DLGAP2: variants seen among roughly 807,000 people sequenced by gnomAD.
DLGAP2 encodes the protein disks large-associated protein 2.
In DLGAP2, 26 loss-of-function variants were observed where a neutral mutation model predicts 100.3. The observed-to-expected ratio is 0.26, with a 90% CI of 0.19 to 0.36. The LOEUF (loss-of-function observed/expected upper bound fraction) is 0.36. Among genes scored for constraint, DLGAP2 ranks in the 10% least tolerant of loss-of-function variants. The pLI is 1.00. For synonymous variants in DLGAP2, 886 were observed against 630.1 expected, an observed-to-expected ratio of 1.41 and a Z score of -6.08; for missense variants, 1,858 against 1,453.2, an observed-to-expected ratio of 1.28 and a Z score of -4.53.
chr8:1,124,755 C>G (rs1167800081), intron 2 of DLGAP2, among the ~76,000 whole-genome samples: 1 of 152,176 alleles, frequency 6.6e-6, no homozygotes, highest in African/African-American at 2.4e-5. Flanking sequence ...ATCTGAAATG[C>G]CACACACAGC....
intron 3 of DLGAP2, among the ~76,000 whole-genome samples, chr8:1,320,060 G>C (rs1800859921): frequency 6.6e-6 from 1 of 152,118 alleles, no homozygotes; most frequent in South Asian, 2.1e-4. Context: ...AGGGAGTTGA[G>C]GAACTCGGGA....
intron 2 of DLGAP2, among the ~76,000 whole-genome samples, chr8:912,750 C>T (rs948277951): frequency 6.6e-6 from 1 of 150,866 alleles, no homozygotes; most frequent in African/African-American, 2.4e-5. Context: ...GCCCACGTTC[C>T]TCTCTGTGGA....
chr8:948,768 G>T (rs1799398170), intron 2 of DLGAP2, among the ~76,000 whole-genome samples: 1 of 152,264 alleles, frequency 6.6e-6, no homozygotes, highest in South Asian at 2.1e-4. Context: ...TCAGGCCGTG[G>T]GGAGCCAGCC....
intron 3 of DLGAP2, among the ~76,000 whole-genome samples, chr8:1,265,516 G>T (rs911736954): frequency 6.6e-6 from 1 of 152,156 alleles, no homozygotes; most frequent in Admixed American, 6.5e-5. Context: ...AAAAAAGAAT[G>T]GGGAGAAAGG....
intron 1 of DLGAP2, among the ~76,000 whole-genome samples, chr8:898,237 C>A (rs1330037534): frequency 6.6e-6 from 1 of 152,082 alleles, no homozygotes; most frequent in Non-Finnish European, 1.5e-5. Context: ...AAATGTTTAT[C>A]CCATGACTTA....
intron 2 of DLGAP2, among the ~76,000 whole-genome samples, chr8:997,231 A>G (rs914818288): frequency 6.6e-6 from 1 of 152,350 alleles, no homozygotes; most frequent in East Asian, 1.9e-4. Context: ...TCAGACTGAA[A>G]TATTAACCCC....
chr8:1,418,529 A>T (rs1344174672), intron 3 of DLGAP2, among the ~76,000 whole-genome samples: 2 of 152,186 alleles, frequency 1.3e-5, no homozygotes, highest in African/African-American at 2.4e-5. Context: ...TTCACAGTCA[A>T]AATGGAAGCT....
chr8:1,326,474 C>T lies in DLGAP2; in HGVS notation c.106+67591C>T, dbSNP rs115104344. Among the ~76,000 whole-genome samples, 820 of 152,178 alleles carry T rather than the reference C, an allele frequency of 5.4e-3. 10 individuals carry two copies. Among genetic ancestry groups the T allele is most frequent in the African/African-American group, 0.019 (781 of 41,532 alleles). On this transcript the variant is annotated intron_variant, in intron 3 of 14. Coordinates refer to ENST00000637795, the MANE Select transcript of DLGAP2 (RefSeq NM_001346810.2). Reference sequence around the variant, plus strand: ...GCCCTGTCTTTCAGGACATGGCACGCGCTCGGTCTCGGTCCGGGCCTGTCA... The same window carrying T: ...GCCCTGTCTTTCAGGACATGGCACGTGCTCGGTCTCGGTCCGGGCCTGTCA...
intron 2 of DLGAP2, among the ~76,000 whole-genome samples, chr8:1,194,191 G>A (rs947778240): frequency 2.6e-5 from 4 of 152,106 alleles, no homozygotes; most frequent in Non-Finnish European, 5.9e-5. Flanking sequence ...ACTGCCGCCT[G>A]TGGGAGGCCA....
intron 8 of DLGAP2, among the ~76,000 whole-genome samples, chr8:1,666,593 T>G (rs1798549355): frequency 6.6e-6 from 1 of 151,292 alleles, no homozygotes; most frequent in African/African-American, 2.4e-5. Context: ...GGCAGGAGAA[T>G]CGCTTGAACA....
chr8:1,641,686 C>T (rs928583966), intron 8 of DLGAP2, among the ~76,000 whole-genome samples: 3 of 152,056 alleles, frequency 2.0e-5, no homozygotes, highest in Non-Finnish European at 4.4e-5. Flanking sequence ...ACATTGTTGT[C>T]CTAAGAGTAA....
chr8:1,206,548 C>T (rs13253531), intron 2 of DLGAP2, among the ~76,000 whole-genome samples: 744 of 37,762 alleles, frequency 0.02, 18 homozygotes, highest in African/African-American at 0.12. Flanking sequence ...AGACTGTGAG[C>T]GGTTAATCTC....
intron 3 of DLGAP2, among the ~76,000 whole-genome samples, chr8:1,420,026 G>A (rs1052232460): frequency 1.3e-5 from 2 of 152,202 alleles, no homozygotes; most frequent in African/African-American, 2.4e-5. Context: ...GGTTTTTTAT[G>A]TAGACTTTGT....
At chr8:1,221,938 A>G (rs1323180497) in intron 2 of DLGAP2, among the ~76,000 whole-genome samples, 1 of 152,068 alleles carries the variant, frequency 6.6e-6, no homozygotes, top group Non-Finnish European at 1.5e-5. Flanking sequence ...TGAATTTTTT[A>G]TTTCCAGTTC....
At chr8:1,333,985 G>A (rs924467478) in intron 3 of DLGAP2, among the ~76,000 whole-genome samples, 5 of 152,244 alleles carry the variant, frequency 3.3e-5, no homozygotes, top group South Asian at 2.1e-4. Flanking sequence ...CACGTGCTCC[G>A]CAACTGAGGG....
intron 4 of DLGAP2, among the ~76,000 whole-genome samples, chr8:1,509,276 A>C (rs1329516748): frequency 6.6e-6 from 1 of 150,382 alleles, no homozygotes; most frequent in African/African-American, 2.5e-5. Flanking sequence ...GATTGCAGTG[A>C]GCTGATATTA....
At chr8:1,392,845 T>G (rs1204229336) in intron 3 of DLGAP2, among the ~76,000 whole-genome samples, 12 of 150,466 alleles carry the variant, frequency 8.0e-5, no homozygotes, top group African/African-American at 2.9e-4. Flanking sequence ...TGAATGTATG[T>G]GTGTTGGAAT....
intron 2 of DLGAP2, among the ~76,000 whole-genome samples, chr8:1,174,536 A>G (rs975331266): frequency 6.6e-5 from 10 of 151,364 alleles, no homozygotes; most frequent in African/African-American, 1.7e-4. Flanking sequence ...AATCATTATC[A>G]TCATTACCAT....
intron 2 of DLGAP2, among the ~76,000 whole-genome samples, chr8:1,030,918 G>C (rs904404924): frequency 6.6e-6 from 1 of 152,202 alleles, no homozygotes; most frequent in Non-Finnish European, 1.5e-5. Context: ...TCTGAGAAGG[G>C]CGCAAGGTCG....
Sources: gnomAD v4.1 joint callset for allele counts (sites outside exome capture counted in the v4.1 genomes callset) on GRCh38, gnomAD v4.1.1 for gene constraint, MANE v1.5 for transcripts, NCBI Gene and HGNC (gene_info 2026-07-23, HGNC 2026-07-21) for gene names.